ETF1: variants seen among roughly 807,000 people sequenced by gnomAD.
ETF1 encodes eukaryotic translation termination factor 1.
ETF1 carries 4 observed loss-of-function variants against 55.1 expected under a neutral mutation model. That is an observed-to-expected ratio of 0.07 (90% confidence interval 0.04 to 0.17). ETF1 has a LOEUF of 0.17. Ranked by LOEUF, ETF1 falls within the 10% of genes least tolerant of loss-of-function variation. The probability of loss-of-function intolerance (pLI) is 1.00; values close to 1 mark genes in which losing one functional copy is unlikely to be tolerated. For missense variants in ETF1, 142 were observed against 523.6 expected (o/e 0.27, Z 7.11); for synonymous variants, 157 against 182.3 (o/e 0.86, Z 1.12).
chr5:138,531,924 A>G (rs561322205), intron 2 of ETF1, among the ~76,000 whole-genome samples: 2 of 152,212 alleles, frequency 1.3e-5, no homozygotes, highest in African/African-American at 2.4e-5. Context: ...GCGGGCGCCT[A>G]TAGTCCCAGC....
chr5:138,524,510 A>G (rs1481956705), intron 2 of ETF1, among the ~76,000 whole-genome samples: 1 of 149,820 alleles, frequency 6.7e-6, no homozygotes, highest in Non-Finnish European at 1.5e-5. Context: ...CCGTGATCAC[A>G]CCACTGCACT....
intron 2 of ETF1, among the ~76,000 whole-genome samples, chr5:138,531,185 A>T (rs1470545065): frequency 6.6e-6 from 1 of 152,214 alleles, no homozygotes; most frequent in Non-Finnish European, 1.5e-5. Context: ...TAAGGTGCTT[A>T]TAAGACCTGA....
At chr5:138,521,638 T>C (rs1765237000) in intron 2 of ETF1, among the ~76,000 whole-genome samples, 1 of 152,186 alleles carries the variant, frequency 6.6e-6, no homozygotes, top group African/African-American at 2.4e-5. Context: ...GCGATTCTCC[T>C]GCCTCAGCCT....
Position 138,519,105 on chromosome 5 carries a change from T to C in ETF1, c.87-238A>G. On this transcript the variant is annotated intron_variant, in intron 2 of 10. Transcript: ENST00000360541. ...ATAGTGAGGTAAGTTATGTAAAGAA[T>C]ACACTTGGAGAGATACTTGAGAAAC... 1.0e-5 allele frequency: 10 copies of C among 984,772 alleles called. No homozygotes were observed. The South Asian group carries it at 3.3e-4, about 32-fold the overall frequency. The allele number at this position is 984,772 out of a possible 1,614,324, so 61.0% of individuals were successfully genotyped here. A position where few individuals can be genotyped will look rare whatever the true frequency, so the allele number is the denominator to read the frequency against.
chr5:138,522,127 C>T (rs1765258510), intron 2 of ETF1, among the ~76,000 whole-genome samples: 1 of 151,640 alleles, frequency 6.6e-6, no homozygotes, highest in African/African-American at 2.4e-5. Flanking sequence ...TTTTTTACTT[C>T]TCTAATCAAC....
In ETF1 at chr5:138,527,992, G is replaced by A. The variant is rs891979144; in HGVS notation, c.87-9125C>T. On this transcript the variant is annotated intron_variant, in intron 2 of 10. Coordinates refer to ENST00000360541, the MANE Select transcript of ETF1 (RefSeq NM_004730.4). ...TCTCTATGTTGGTCAGGCTGGTCTC[G>A]AACTCCCGACCTCAGGTGATCCGCC... Among the ~76,000 whole-genome samples the A allele has an allele frequency of 5.9e-5, 9 of 152,076 alleles. No homozygotes were observed. The South Asian group carries it at 8.3e-4, about 14-fold the overall frequency.
intron 6 of ETF1, chr5:138,512,057 G>A: frequency 5.7e-6 from 1 of 175,606 alleles, no homozygotes; most frequent in Non-Finnish European, 1.1e-5. Context: ...AAAATTAGTT[G>A]GGCATGGTGA....
intron 6 of ETF1, chr5:138,512,013 A>ACAGGGTTTCAC: frequency 2.8e-6 from 1 of 353,724 alleles, no homozygotes; most frequent in Non-Finnish European, 3.9e-6. Context: ...AGCCTAGGCA[A>ACAGGGTTTCAC]CATGGTGAAA....
chr5:138,518,986 C>G, intron 2 of ETF1, 119 bp from the exon 3 acceptor site: 1 of 1,517,474 alleles, frequency 6.6e-7, no homozygotes, highest in Non-Finnish European at 8.8e-7. Flanking sequence ...AGGTCACTCT[C>G]AAAGGAGTAA....
intron 2 of ETF1, among the ~76,000 whole-genome samples, chr5:138,542,291 G>A (rs1766211286): frequency 6.6e-6 from 1 of 152,192 alleles, no homozygotes; most frequent in South Asian, 2.1e-4. Flanking sequence ...TCTTGGGACA[G>A]GTGGAAGACC....
intron 2 of ETF1, among the ~76,000 whole-genome samples, chr5:138,541,975 G>A (rs1580730260): frequency 2.0e-5 from 3 of 151,910 alleles, no homozygotes; most frequent in African/African-American, 4.8e-5. Context: ...AAATGTACAA[G>A]ACTCAAAGCC....
At chr5:138,510,690 T>G in intron 8 of ETF1, 61 bp from the exon 9 acceptor site, 1 of 1,594,378 alleles carries the variant, frequency 6.3e-7, no homozygotes, top group Non-Finnish European at 8.5e-7. Context: ...CTGTGTAAGC[T>G]CCATAAGATG....
chr5:138,541,192 C>G (rs1168326222), intron 2 of ETF1, among the ~76,000 whole-genome samples: 1 of 152,156 alleles, frequency 6.6e-6, no homozygotes, highest in Non-Finnish European at 1.5e-5. Context: ...AAGAACCTGG[C>G]TAATTCTTGG....
chr5:138,542,520 T>G, intron 2 of ETF1: 1 of 855,866 alleles, frequency 1.2e-6, no homozygotes, highest in Non-Finnish European at 1.6e-6. Flanking sequence ...TGGCAGCACC[T>G]GGAGCCCGAA....
chr5:138,542,575 G>C (rs1766227310), intron 2 of ETF1: 1 of 1,347,742 alleles, frequency 7.4e-7, no homozygotes, highest in Non-Finnish European at 9.7e-7. Flanking sequence ...TGCAAAAGTA[G>C]CGGTGGCCTA....
intron 2 of ETF1, among the ~76,000 whole-genome samples, chr5:138,534,922 G>C (rs1252005274): frequency 9.0e-6 from 1 of 110,848 alleles, no homozygotes; most frequent in Non-Finnish European, 2.3e-5. Context: ...GTTATAAGGG[G>C]GGGGGTCAAA....
Position 138,511,598 on chromosome 5 carries a change from G to T in ETF1, c.739C>A (p.Gln247Lys). Residue 247 changes from glutamine to lysine, a missense_variant, in exon 7 of 11, where the codon CAA becomes AAA. Coordinates refer to ENST00000360541, the MANE Select transcript of ETF1 (RefSeq NM_004730.4). Reference protein sequence around the residue: ...SQSDMFDQRLQSKVLKLVDIS... With the variant: ...SQSDMFDQRLKSKVLKLVDIS... Reference sequence around the variant, plus strand: ...TCAACTAATTTTAAAACTTTTGATTGTAACCTCTAACACACAAAAAAAATA... The same window carrying T: ...TCAACTAATTTTAAAACTTTTGATTTTAACCTCTAACACACAAAAAAAATA... 2 of 1,606,654 alleles carry T rather than the reference G, an allele frequency of 1.2e-6. No individual in the cohort carries two copies. Among genetic ancestry groups the T allele is most frequent in the Non-Finnish European group, 1.7e-6 (2 of 1,176,684 alleles).
Position 138,542,840 on chromosome 5 carries a change from C to T in ETF1, c.79G>A (p.Ala27Thr). ...GCCGGACGCGGCGCTCACCCGCGGG[C>T]CGCCTCCAAGCTCTTAATGAGCTTC... is the stretch of plus-strand genomic sequence containing the variant. The part of the protein sequence containing the change: ...IKKLIKSLEA[A>T]RGNGTSMISL... The change falls in exon 2 of 11, where the codon GCC becomes ACC. Residue 27 changes from alanine to threonine, a missense_variant. By Grantham distance (58) the Ala-to-Thr change is moderately conservative. Coordinates refer to ENST00000360541, the MANE Select transcript of ETF1 (RefSeq NM_004730.4). The T allele has an allele frequency of 6.2e-7, 1 of 1,612,810 alleles. No individual in the cohort carries two copies. Among genetic ancestry groups the T allele is most frequent in the Non-Finnish European group, 8.5e-7 (1 of 1,179,822 alleles).
intron 6 of ETF1, among the ~76,000 whole-genome samples, chr5:138,512,258 A>ATATT (rs1484458741): frequency 3.0e-4 from 6 of 20,020 alleles, no homozygotes; most frequent in African/African-American, 9.4e-4. Flanking sequence ...ATATATATAT[A>ATATT]TTTTTTTTTT....
Sources: allele counts gnomAD v4.1 joint callset (sites outside exome capture counted in the v4.1 genomes callset), GRCh38; gene constraint gnomAD v4.1.1; transcripts MANE v1.5; gene names NCBI Gene and HGNC (gene_info 2026-07-23, HGNC 2026-07-21).